NRXN1: variants seen among roughly 807,000 people sequenced by gnomAD.
NRXN1 encodes the protein neurexin-1.
NRXN1 carries 39 observed loss-of-function variants against 150.9 expected under a neutral mutation model. The ratio of observed to expected loss-of-function variants is 0.26; its 90% CI spans 0.20 to 0.34. The LOEUF (loss-of-function observed/expected upper bound fraction) is 0.34, where lower values mean the gene tolerates loss of function less well. Among genes scored for constraint, NRXN1 ranks in the 10% least tolerant of loss-of-function variants. The pLI is 1.00. For synonymous variants in NRXN1, 924 were observed against 757.0 expected, an observed-to-expected ratio of 1.22 and a Z score of -3.62; for missense variants, 1,815 against 1,949.9, an observed-to-expected ratio of 0.93 and a Z score of 1.30.
At position 50,274,949 on chromosome 2, in the gene NRXN1, T is replaced by G. The variant is rs1018525820; in HGVS notation, c.3365-37979A>C. The stretch of plus-strand genomic sequence containing the variant: ...TAACTCACATTAGAAGTGTGGCATG[T>G]GTTACAAAATTGATGTCAGATAGCT... On this transcript the variant is annotated intron_variant, in intron 17 of 22. Transcript: ENST00000401669. 5.3e-5 allele frequency among the ~76,000 whole-genome samples: 8 copies of G among 152,158 alleles called. No individual in the cohort carries two copies. The South Asian group carries it at 1.0e-3, about 20-fold the overall frequency.
chr2:50,125,159 T>C (rs1704387647), intron 18 of NRXN1, among the ~76,000 whole-genome samples: 1 of 152,134 alleles, frequency 6.6e-6, no homozygotes, highest in African/African-American at 2.4e-5. Flanking sequence ...CTGAGCACAA[T>C]AACAGTAACT....
At chr2:50,651,734 C>G (rs557668552) in intron 5 of NRXN1, among the ~76,000 whole-genome samples, 39 of 152,062 alleles carry the variant, frequency 2.6e-4, no homozygotes, top group African/African-American at 8.9e-4. Flanking sequence ...TTACACCATC[C>G]CTTCTTTTTT....
At chr2:50,124,545 T>C (rs768100485) in intron 18 of NRXN1, among the ~76,000 whole-genome samples, 6 of 152,144 alleles carry the variant, frequency 3.9e-5, no homozygotes, top group Non-Finnish European at 8.8e-5. Context: ...TTATTACAAA[T>C]GCATACAGTT....
chr2:50,218,264 T>C (rs1438241542), intron 18 of NRXN1, among the ~76,000 whole-genome samples: 3 of 152,054 alleles, frequency 2.0e-5, no homozygotes, highest in Non-Finnish European at 4.4e-5. Context: ...AAGGTTCTGT[T>C]CACTTTAAAG....
intron 17 of NRXN1, among the ~76,000 whole-genome samples, chr2:50,452,005 G>A (rs138651881): frequency 6.6e-6 from 1 of 152,266 alleles, no homozygotes; most frequent in African/African-American, 2.4e-5. Flanking sequence ...ATTTAGCTAA[G>A]CAAGTACACA....
intron 18 of NRXN1, among the ~76,000 whole-genome samples, chr2:50,149,144 G>C (rs143793520): frequency 6.6e-6 from 1 of 151,740 alleles, no homozygotes; most frequent in African/African-American, 2.4e-5. Flanking sequence ...TGTTTATAAA[G>C]CATAATTTTT....
At chr2:50,302,912 GCCATCCATCCAT>G (rs10540394) in intron 17 of NRXN1, among the ~76,000 whole-genome samples, 4 of 151,388 alleles carry the variant, frequency 2.6e-5, no homozygotes, top group Admixed American at 6.6e-5. Flanking sequence ...AGTCTACCAG[GCCATCCATCCAT>G]CCATCCATCC....
intron 17 of NRXN1, among the ~76,000 whole-genome samples, chr2:50,286,535 G>A (rs1461694162): frequency 1.3e-5 from 2 of 152,018 alleles, no homozygotes; most frequent in Non-Finnish European, 2.9e-5. Context: ...TTCATCCATT[G>A]ACAGGTAGAA....
At chr2:50,478,864 T>G (rs1234239462) in intron 15 of NRXN1, among the ~76,000 whole-genome samples, 6 of 152,220 alleles carry the variant, frequency 3.9e-5, no homozygotes, top group Non-Finnish European at 8.8e-5. Context: ...TGCCAAGGGG[T>G]GAATGACTCA....
chr2:50,018,051 G>A (rs1050047333), intron 21 of NRXN1, among the ~76,000 whole-genome samples: 2 of 152,176 alleles, frequency 1.3e-5, no homozygotes, highest in Non-Finnish European at 2.9e-5. Flanking sequence ...TTAACAGACT[G>A]TAACCTTGAT....
At chr2:49,951,594 G>A (rs1024846705) in intron 21 of NRXN1, among the ~76,000 whole-genome samples, 1 of 152,038 alleles carries the variant, frequency 6.6e-6, no homozygotes, top group African/African-American at 2.4e-5. Context: ...TCTTTGTTTC[G>A]CTTTTGGACA....
intron 17 of NRXN1, among the ~76,000 whole-genome samples, chr2:50,410,591 G>A (rs1279824829): frequency 6.6e-6 from 1 of 152,044 alleles, no homozygotes; most frequent in Non-Finnish European, 1.5e-5. Flanking sequence ...ATGAATGAAT[G>A]AATGAATGAA....
At chr2:50,361,781 G>C (rs2079222687) in intron 17 of NRXN1, among the ~76,000 whole-genome samples, 1 of 152,056 alleles carries the variant, frequency 6.6e-6, no homozygotes, top group South Asian at 2.1e-4. Flanking sequence ...TCAAAACCTG[G>C]CAGAGACACA....
At chr2:50,153,053 A>G (rs1045400588) in intron 18 of NRXN1, among the ~76,000 whole-genome samples, 4 of 151,610 alleles carry the variant, frequency 2.6e-5, no homozygotes, top group African/African-American at 4.8e-5. Flanking sequence ...AGTAATTTCA[A>G]TAGGTAAAAA....
chr2:50,147,389 G>C lies in NRXN1; in HGVS notation c.3547-55895C>G, dbSNP rs190443080. Among the ~76,000 whole-genome samples the C allele has an allele frequency of 2.4e-4, 36 of 151,740 alleles. No homozygotes were observed. The East Asian group carries it at 6.4e-3, about 27-fold the overall frequency. ...AGCAGCATCCAAATAACTTGTCTTA[G>C]GTATTTGTGAATAACTAAAAATTTA... is the stretch of plus-strand genomic sequence containing the variant. On this transcript the variant is annotated intron_variant, in intron 18 of 22. Coordinates refer to ENST00000401669, the MANE Select transcript of NRXN1 (RefSeq NM_001330078.2).
At chr2:50,087,956 A>G (rs1472012370) in intron 19 of NRXN1, among the ~76,000 whole-genome samples, 1 of 152,154 alleles carries the variant, frequency 6.6e-6, no homozygotes, top group Non-Finnish European at 1.5e-5. Context: ...TATACTAATT[A>G]CTAATTTCAA....
At chr2:50,115,759 C>G (rs1453615910) in intron 18 of NRXN1, among the ~76,000 whole-genome samples, 1 of 152,060 alleles carries the variant, frequency 6.6e-6, no homozygotes, top group Non-Finnish European at 1.5e-5. Flanking sequence ...TTATGATTCA[C>G]TTATTTTTAT....
At chr2:50,185,322 C>G (rs950802553) in intron 18 of NRXN1, among the ~76,000 whole-genome samples, 2 of 152,042 alleles carry the variant, frequency 1.3e-5, no homozygotes, top group African/African-American at 4.8e-5. Context: ...AGAGCACAAA[C>G]TCAGGAGTTA....
At chr2:50,564,908 G>A (rs565231925) in intron 8 of NRXN1, among the ~76,000 whole-genome samples, 2 of 152,020 alleles carry the variant, frequency 1.3e-5, no homozygotes, top group African/African-American at 4.8e-5. Flanking sequence ...TAATGAATGG[G>A]GTTTTATGTG....
Sources: gnomAD v4.1 joint callset for allele counts (sites outside exome capture counted in the v4.1 genomes callset) on GRCh38, gnomAD v4.1.1 for gene constraint, MANE v1.5 for transcripts, NCBI Gene and HGNC (gene_info 2026-07-23, HGNC 2026-07-21) for gene names.